CYYR1: variants seen among roughly 807,000 people sequenced by gnomAD.
The protein encoded by CYYR1 is cysteine and tyrosine-rich protein 1.
CYYR1 carries 14 observed loss-of-function variants against 15.2 expected under a neutral mutation model. The observed-to-expected ratio is 0.92, with a 90% CI of 0.61 to 1.44. The LOEUF (loss-of-function observed/expected upper bound fraction) is 1.44, where lower values mean the gene tolerates loss of function less well. Among genes scored for constraint, CYYR1 ranks in the 40% most tolerant of loss-of-function variants. CYYR1 has a pLI of 0.00. For synonymous variants in CYYR1, 80 were observed against 77.4 expected (o/e 1.03, Z -0.18); for missense variants, 228 against 209.5 (o/e 1.09, Z -0.54).
intron 2 of CYYR1, among the ~76,000 whole-genome samples, chr21:26,494,930 G>A (rs997573269): frequency 2.0e-5 from 3 of 152,150 alleles, no homozygotes; most frequent in African/African-American, 4.8e-5. Flanking sequence ...TTGAGCCATC[G>A]GAGTGATGGT....
chr21:26,562,175 A>G (rs947445397), intron 2 of CYYR1, among the ~76,000 whole-genome samples: 4 of 152,202 alleles, frequency 2.6e-5, no homozygotes, highest in East Asian at 1.9e-4. Flanking sequence ...TGAGGCTTCT[A>G]TCTTCGGGTA....
At chr21:26,514,402 A>G (rs2065693031) in intron 2 of CYYR1, among the ~76,000 whole-genome samples, 1 of 151,556 alleles carries the variant, frequency 6.6e-6, no homozygotes. Context: ...AGAGCCTCAC[A>G]CCTCCCCTGC....
At chr21:26,522,441 A>C (rs1195096648) in intron 2 of CYYR1, among the ~76,000 whole-genome samples, 1 of 152,228 alleles carries the variant, frequency 6.6e-6, no homozygotes, top group Non-Finnish European at 1.5e-5. Flanking sequence ...TGGTATTTTT[A>C]AGGGTTATTT....
intron 2 of CYYR1, among the ~76,000 whole-genome samples, chr21:26,552,382 T>A (rs1695973774): frequency 6.6e-6 from 1 of 152,188 alleles, no homozygotes; most frequent in Non-Finnish European, 1.5e-5. Flanking sequence ...GTTAGCTATT[T>A]CAGTAGAGTT....
intron 1 of CYYR1, among the ~76,000 whole-genome samples, chr21:26,572,446 A>C (rs995746236): frequency 2.0e-5 from 3 of 152,206 alleles, no homozygotes; most frequent in African/African-American, 7.2e-5. Flanking sequence ...CACACTTGTG[A>C]ATCTCCCAAA....
chr21:26,526,902 C>T (rs1289933014), intron 2 of CYYR1, among the ~76,000 whole-genome samples: 1 of 152,128 alleles, frequency 6.6e-6, no homozygotes, highest in Non-Finnish European at 1.5e-5. Context: ...ATTTGAGAAC[C>T]CTACTTGGGA....
At chr21:26,559,611 A>G (rs1156958021) in intron 2 of CYYR1, among the ~76,000 whole-genome samples, 13 of 152,102 alleles carry the variant, frequency 8.5e-5, no homozygotes, top group Admixed American at 8.5e-4. Context: ...TTACATATTT[A>G]GTCTGATAAG....
rs112593367 is a variant in CYYR1, at chr21:26,566,462, C to T, written c.74-94G>A. ...TTTCACAACTTAATCAGCCAATGAC[C>T]ACCCTTTAGTGGTTTTAAATCTTCA... On this transcript the variant is annotated intron_variant, in intron 1 of 3. Coordinates refer to ENST00000652641, the MANE Select transcript of CYYR1 (RefSeq NM_001320768.2). The T allele has an allele frequency of 3.0e-5, 28 of 926,542 alleles. 2 individuals are homozygous for T. Among genetic ancestry groups the T allele is most frequent in the African/African-American group, 2.6e-4 (16 of 61,192 alleles). The allele number at this position is 926,542 out of a possible 1,614,324, so 57.4% of individuals were successfully genotyped here.
intron 2 of CYYR1, among the ~76,000 whole-genome samples, chr21:26,507,368 T>C (rs534383081): frequency 6.6e-6 from 1 of 152,336 alleles, no homozygotes; most frequent in East Asian, 1.9e-4. Context: ...CAATGTTGCA[T>C]TGCTGAAATG....
chr21:26,508,825 T>C (rs2065604934), intron 2 of CYYR1, among the ~76,000 whole-genome samples: 1 of 152,168 alleles, frequency 6.6e-6, no homozygotes, highest in African/African-American at 2.4e-5. Flanking sequence ...AATCAGAGGA[T>C]TGCAGCTTAA....
At chr21:26,501,017 A>G (rs2065474360) in intron 2 of CYYR1, among the ~76,000 whole-genome samples, 1 of 152,102 alleles carries the variant, frequency 6.6e-6, no homozygotes, top group Non-Finnish European at 1.5e-5. Flanking sequence ...CATCCAGGAA[A>G]TCCTAGTGAG....
chr21:26,549,262 A>G (rs1209103840), intron 2 of CYYR1, among the ~76,000 whole-genome samples: 2 of 152,118 alleles, frequency 1.3e-5, no homozygotes, highest in Non-Finnish European at 2.9e-5. Flanking sequence ...CTGCAGTTCT[A>G]TGTGAGCACT....
intron 3 of CYYR1, among the ~76,000 whole-genome samples, chr21:26,472,665 A>G (rs1389741996): frequency 6.6e-6 from 1 of 152,142 alleles, no homozygotes; most frequent in Non-Finnish European, 1.5e-5. Context: ...ATGAAGATAT[A>G]AGTAAGATAT....
chr21:26,509,620 A>G (rs1158248292), intron 2 of CYYR1, among the ~76,000 whole-genome samples: 2 of 152,164 alleles, frequency 1.3e-5, no homozygotes, highest in East Asian at 1.9e-4. Context: ...TTTCTTCCTC[A>G]GTCAAAGCCT....
At chr21:26,537,099 G>A (rs1978310299) in intron 2 of CYYR1, among the ~76,000 whole-genome samples, 1 of 152,162 alleles carries the variant, frequency 6.6e-6, no homozygotes, top group Non-Finnish European at 1.5e-5. Context: ...TTGGAGGAGA[G>A]TTGTGATTGA....
intron 2 of CYYR1, among the ~76,000 whole-genome samples, chr21:26,501,869 T>C (rs1228952626): frequency 6.6e-6 from 1 of 152,148 alleles, no homozygotes; most frequent in Non-Finnish European, 1.5e-5. Flanking sequence ...AGGTGATGAG[T>C]ATTATTAAAA....
chr21:26,536,647 C>T (rs1978304726), intron 2 of CYYR1, among the ~76,000 whole-genome samples: 1 of 151,932 alleles, frequency 6.6e-6, no homozygotes, highest in Non-Finnish European at 1.5e-5. Flanking sequence ...AAAATGATAA[C>T]TTTTTCCCTT....
At chr21:26,474,805 C>A (rs1484344579) in intron 3 of CYYR1, among the ~76,000 whole-genome samples, 1 of 152,184 alleles carries the variant, frequency 6.6e-6, no homozygotes, top group Non-Finnish European at 1.5e-5. Flanking sequence ...ACTCATTCCA[C>A]TGCATCTTGG....
chr21:26,528,586 T>C (rs1417301368), intron 2 of CYYR1, among the ~76,000 whole-genome samples: 3 of 152,172 alleles, frequency 2.0e-5, no homozygotes, highest in African/African-American at 7.2e-5. Flanking sequence ...ATGCTTCCTG[T>C]ACAGCCTGTA....
Sources: gnomAD v4.1 joint callset for allele counts (sites outside exome capture counted in the v4.1 genomes callset) on GRCh38, gnomAD v4.1.1 for gene constraint, MANE v1.5 for transcripts, NCBI Gene and HGNC (gene_info 2026-07-23, HGNC 2026-07-21) for gene names.